Variants in CABLES1 observed in about 807,000 individuals in gnomAD.
The protein encoded by CABLES1 is Cdk5 and Abl enzyme substrate 1.
A neutral mutation model predicts 57.8 loss-of-function variants in CABLES1; 36 were observed. The observed-to-expected ratio is 0.62, with a 90% CI of 0.48 to 0.82. The LOEUF is 0.82. CABLES1 is among the 40% of genes least tolerant of loss of function. The probability of loss-of-function intolerance (pLI) is 0.00; values close to 1 mark genes in which losing one functional copy is unlikely to be tolerated. For synonymous variants in CABLES1, 374 were observed against 363.0 expected (o/e 1.03, Z -0.35); for missense variants, 767 against 836.6 (o/e 0.92, Z 1.03).
chr18:23,241,954 A>G (rs971664426), intron 7 of CABLES1, among the ~76,000 whole-genome samples: 3 of 152,104 alleles, frequency 2.0e-5, no homozygotes, highest in Non-Finnish European at 4.4e-5. Context: ...CCTACTGTAG[A>G]AGGTCAAGGG....
At chr18:23,161,754 CA>C (rs1184010487) in intron 1 of CABLES1, among the ~76,000 whole-genome samples, 3,231 of 33,136 alleles carry the variant, frequency 0.098, 308 homozygotes, top group East Asian at 0.29. Context: ...ACTAAAAATC[CA>C]AAAAAAAAAA....
intron 9 of CABLES1, among the ~76,000 whole-genome samples, chr18:23,256,447 C>T (rs999545300): frequency 6.6e-6 from 1 of 152,172 alleles, no homozygotes; most frequent in Non-Finnish European, 1.5e-5. Flanking sequence ...GAACTTACCA[C>T]GTGGTTTTTA....
rs534307775 is a variant in CABLES1 at position 23,174,116 on chromosome 18, C to A, written c.846-14722C>A. Among the ~76,000 whole-genome samples, 24 of 152,332 alleles carry A rather than the reference C, an allele frequency of 1.6e-4. No homozygotes were observed. The South Asian group carries it at 4.6e-3, about 29-fold the overall frequency. On this transcript the variant is annotated intron_variant, in intron 1 of 9. Coordinates refer to ENST00000256925, the MANE Select transcript of CABLES1 (RefSeq NM_001100619.3). ...TAGCAGTCTCTTCCCATTCCTCCCC[C>A]TCTCGGATCCCAGCTTCTGGCAACC...
chr18:23,251,825 C>T (rs2048045236), intron 7 of CABLES1, among the ~76,000 whole-genome samples: 1 of 152,200 alleles, frequency 6.6e-6, no homozygotes, highest in South Asian at 2.1e-4. Context: ...GTGGCTCACG[C>T]CTGTAATCCC....
chr18:23,136,860 G>A (rs1367489591), intron 1 of CABLES1, among the ~76,000 whole-genome samples: 2 of 152,240 alleles, frequency 1.3e-5, no homozygotes, highest in African/African-American at 4.8e-5. Flanking sequence ...AGTGGGTCGG[G>A]AATTGGGAGT....
chr18:23,222,487 T>C (rs1354887127), intron 4 of CABLES1, among the ~76,000 whole-genome samples: 1 of 150,690 alleles, frequency 6.6e-6, no homozygotes, highest in Middle Eastern at 3.2e-3. Context: ...CTTTCGAGAA[T>C]TGCTATGTTT....
chr18:23,186,111 G>A (rs1336653699), intron 1 of CABLES1, among the ~76,000 whole-genome samples: 1 of 152,202 alleles, frequency 6.6e-6, no homozygotes, highest in Non-Finnish European at 1.5e-5. Context: ...GAACATGTAC[G>A]CATCTTGGGT....
chr18:23,148,326 G>A (rs1334211587), intron 1 of CABLES1, among the ~76,000 whole-genome samples: 8 of 152,088 alleles, frequency 5.3e-5, no homozygotes, highest in South Asian at 2.1e-4. Context: ...ACCCTCTCCC[G>A]TGTGAGGGCT....
Position 23,257,422 on chromosome 18 carries a change from C to T in CABLES1, c.*55C>T. On this transcript the variant is annotated 3_prime_UTR_variant, in exon 10 of 10. Coordinates refer to ENST00000256925, the MANE Select transcript of CABLES1 (RefSeq NM_001100619.3). ...TTCTTCTCAGCTTGGTGGAGCAGCA[C>T]TTACTTACTACTGGAAATGAAAAAA... is the stretch of plus-strand genomic sequence containing the variant. 6.6e-7 allele frequency: 1 copy of T among 1,517,772 alleles called. No homozygotes were observed. Among genetic ancestry groups the T allele is most frequent in the Non-Finnish European group, 8.8e-7 (1 of 1,133,316 alleles). 94.0% of individuals were successfully genotyped at this position (1,517,772 alleles called of 1,614,324 possible).
At chr18:23,163,594 A>G (rs1277850640) in intron 1 of CABLES1, among the ~76,000 whole-genome samples, 3 of 152,050 alleles carry the variant, frequency 2.0e-5, no homozygotes, top group South Asian at 4.2e-4. Context: ...GGATTGGAGG[A>G]GAGAGAAGAA....
At chr18:23,186,793 C>T (rs1438687755) in intron 1 of CABLES1, among the ~76,000 whole-genome samples, 3 of 152,162 alleles carry the variant, frequency 2.0e-5, no homozygotes, top group African/African-American at 7.2e-5. Flanking sequence ...TGATTCTAGG[C>T]CCTAGGCATT....
At chr18:23,241,258 C>T (rs996508261) in intron 7 of CABLES1, among the ~76,000 whole-genome samples, 1 of 151,844 alleles carries the variant, frequency 6.6e-6, no homozygotes, top group Non-Finnish European at 1.5e-5. Flanking sequence ...CAGTGGATCA[C>T]GCCTATAAAT....
chr18:23,216,740 A>T (rs1248871580), intron 4 of CABLES1, among the ~76,000 whole-genome samples: 1 of 152,186 alleles, frequency 6.6e-6, no homozygotes. Context: ...GGGCACTCAG[A>T]CCATCTCCAC....
At chr18:23,184,712 TAAATA>T (rs1184861469) in intron 1 of CABLES1, among the ~76,000 whole-genome samples, 1 of 151,836 alleles carries the variant, frequency 6.6e-6, no homozygotes, top group Non-Finnish European at 1.5e-5. Context: ...CAGAAAAAAA[TAAATA>T]AATAAAAAGT....
At chr18:23,242,899 G>A (rs1379279982) in intron 7 of CABLES1, among the ~76,000 whole-genome samples, 2 of 152,046 alleles carry the variant, frequency 1.3e-5, no homozygotes, top group Non-Finnish European at 2.9e-5. Flanking sequence ...TTTCAGTACA[G>A]CATGAGATGC....
chr18:23,180,011 C>T (rs763461661), intron 1 of CABLES1, among the ~76,000 whole-genome samples: 17 of 152,168 alleles, frequency 1.1e-4, no homozygotes, highest in Non-Finnish European at 1.8e-4. Context: ...CTCCGCCTCC[C>T]GGGTTCAGGC....
intron 7 of CABLES1, among the ~76,000 whole-genome samples, chr18:23,249,793 G>C (rs990396371): frequency 6.6e-6 from 1 of 151,924 alleles, no homozygotes; most frequent in African/African-American, 2.4e-5. Context: ...CGATCTTCTC[G>C]GACATCCTGG....
chr18:23,179,867 CTG>C (rs1309855292), intron 1 of CABLES1, among the ~76,000 whole-genome samples: 1 of 152,184 alleles, frequency 6.6e-6, no homozygotes, highest in Non-Finnish European at 1.5e-5. Flanking sequence ...TTTTCTTCAT[CTG>C]TGAACACGTG....
Position 23,253,737 on chromosome 18 carries a change from G to A in CABLES1, c.1562G>A (p.Arg521Gln), listed in dbSNP as rs755571855. The change falls in exon 9 of 10, where the codon CGA (arginine) becomes CAA (glutamine). Residue 521 changes from arginine to glutamine, a missense_variant. Arg to Gln is a conservative substitution (Grantham distance 43). Around this residue, in one of 4 missense-constraint regions of CABLES1, gnomAD observed 529 missense variants for 622.8 expected, o/e 0.85. Coordinates refer to ENST00000256925, the MANE Select transcript of CABLES1 (RefSeq NM_001100619.3). The stretch of plus-strand genomic sequence containing the variant: ...TGCCTGTCTTTCTCCAGTCTGAAAC[G>A]AGAGATGCGGAAGCTTGCGCAGGAG... ...LTLSKIRSLKREMRKLAQEDC... is the reference protein window; with the variant it reads ...LTLSKIRSLKQEMRKLAQEDC... 6 of 1,614,000 alleles carry A rather than the reference G, an allele frequency of 3.7e-6. No individual in the cohort carries two copies. The highest frequency in any genetic ancestry group is 1.3e-5 in the African/African-American group (1 of 75,036).
Sources: gnomAD v4.1 joint callset for allele counts (sites outside exome capture counted in the v4.1 genomes callset) on GRCh38, gnomAD v4.1.1 for gene constraint, gnomAD v4.1.1 regional missense constraint, MANE v1.5 for transcripts, NCBI Gene and HGNC (gene_info 2026-07-23, HGNC 2026-07-21) for gene names.